The following SFMBT1 variants were observed in gnomAD, a reference collection of about 807,000 sequenced individuals.
SFMBT1 encodes the protein scm-like with four MBT domains protein 1.
SFMBT1 carries 32 observed loss-of-function variants against 108.7 expected under a neutral mutation model. That is an observed-to-expected ratio of 0.29 (90% CI 0.22 to 0.40). The LOEUF (loss-of-function observed/expected upper bound fraction) is 0.40. SFMBT1 is among the 10% of genes least tolerant of loss of function. The pLI, the probability that SFMBT1 is intolerant of heterozygous loss-of-function variation, is 1.00. For synonymous variants in SFMBT1, 348 were observed against 369.5 expected (o/e 0.94, Z 0.67); for missense variants, 816 against 1,059.6 (o/e 0.77, Z 3.19).
In SFMBT1 at chr3:52,912,577, T is replaced by C; in HGVS notation, c.1691A>G (p.Asp564Gly). 6.2e-7 allele frequency: 1 copy of C among 1,613,968 alleles called. No individual in the cohort carries two copies. Reference protein sequence around the residue: ...RVLRELQLDKDSVWHGCGEVL... With the variant: ...RVLRELQLDKGSVWHGCGEVL... ...TTCCCCACATCCGTGCCACACAGAG[T>C]CTTTGTCCAGCTGGAGCTCCCGAAG... The change falls in exon 16 of 21, where the codon GAC becomes GGC. Residue 564 changes from aspartate (D) to glycine (G), a missense_variant. Asp to Gly is a moderately conservative substitution (Grantham distance 94). Around this residue, in one of 5 missense-constraint regions of SFMBT1, gnomAD observed 79 missense variants for 120.8 expected, o/e 0.65. Transcript: ENST00000394752.
intron 1 of SFMBT1, among the ~76,000 whole-genome samples, chr3:53,002,852 T>A (rs1396118898): frequency 6.6e-6 from 1 of 150,470 alleles, no homozygotes; most frequent in African/African-American, 2.4e-5. Context: ...GACTGATAGT[T>A]ACATGAAGAT....
rs563381335 is a variant in SFMBT1 at position 52,968,862 on chromosome 3, T to C, written c.28+239A>G. On this transcript the variant is annotated intron_variant, in intron 2 of 20. Transcript: ENST00000394752. ...CCCACCTCGGCCTCCCAAAGTGTTATGATTACAGGTATGAGCCACCGCGCC... is the reference window on the plus strand; with the variant it reads ...CCCACCTCGGCCTCCCAAAGTGTTACGATTACAGGTATGAGCCACCGCGCC... 6.6e-5 allele frequency among the ~76,000 whole-genome samples: 10 copies of C among 152,260 alleles called. No homozygotes were observed. In the East Asian group the frequency reaches 1.7e-3, roughly 26 times the overall value.
intron 1 of SFMBT1, among the ~76,000 whole-genome samples, chr3:53,005,267 C>G (rs917375863): frequency 6.6e-6 from 1 of 152,290 alleles, no homozygotes; most frequent in South Asian, 2.1e-4. Context: ...ATAGGCTGTA[C>G]GCATGATGGG....
intron 1 of SFMBT1, among the ~76,000 whole-genome samples, chr3:53,006,458 G>A (rs756013349): frequency 3.9e-5 from 6 of 151,978 alleles, no homozygotes; most frequent in Non-Finnish European, 8.8e-5. Flanking sequence ...GTGAAACCCC[G>A]TCTCTACTAA....
intron 1 of SFMBT1, among the ~76,000 whole-genome samples, chr3:52,990,808 C>A (rs1485873712): frequency 6.6e-6 from 1 of 152,058 alleles, no homozygotes; most frequent in Non-Finnish European, 1.5e-5. Context: ...ACGCATAAAA[C>A]AAGGAAATAA....
intron 1 of SFMBT1, among the ~76,000 whole-genome samples, chr3:53,024,717 G>C (rs1016287218): frequency 2.0e-5 from 3 of 152,118 alleles, no homozygotes; most frequent in Admixed American, 1.3e-4. Flanking sequence ...AATATATTTT[G>C]AACTCCCATC....
intron 1 of SFMBT1, among the ~76,000 whole-genome samples, chr3:53,037,596 A>G (rs903270670): frequency 2.0e-5 from 3 of 152,234 alleles, no homozygotes; most frequent in East Asian, 3.8e-4. Context: ...ATAAACACCT[A>G]TAACAACAAT....
intron 1 of SFMBT1, among the ~76,000 whole-genome samples, chr3:52,975,096 T>C (rs975026159): frequency 6.7e-6 from 1 of 150,372 alleles, no homozygotes; most frequent in Non-Finnish European, 1.5e-5. Flanking sequence ...CTGGTACTAA[T>C]AAATTTATAA....
chr3:53,029,334 G>A (rs1288977880), intron 1 of SFMBT1, among the ~76,000 whole-genome samples: 4 of 152,050 alleles, frequency 2.6e-5, no homozygotes, highest in Non-Finnish European at 4.4e-5. Flanking sequence ...TTCTCTGAGG[G>A]GTATTCTGAA....
At chr3:53,016,536 C>T (rs1575440795) in intron 1 of SFMBT1, among the ~76,000 whole-genome samples, 2 of 152,154 alleles carry the variant, frequency 1.3e-5, no homozygotes. Flanking sequence ...GACATATCCC[C>T]GTGTTTTAAT....
intron 8 of SFMBT1, among the ~76,000 whole-genome samples, chr3:52,930,108 C>G (rs1702810473): frequency 6.6e-6 from 1 of 152,226 alleles, no homozygotes; most frequent in South Asian, 2.1e-4. Flanking sequence ...AGTCCAGTGC[C>G]CAGGCCCAAG....
In SFMBT1 at chr3:52,978,498, C is replaced by T. The variant is rs192323105; in HGVS notation, c.-130-9240G>A. 4.6e-5 allele frequency among the ~76,000 whole-genome samples: 7 copies of T among 152,152 alleles called. No homozygotes were observed. The East Asian group carries it at 7.7e-4, about 17-fold the overall frequency. ...CCCTACTCCTCTGGGGGTAACAAAA[C>T]GTAAAGGCAATGTTGGTGGGAATGT... On this transcript the variant is annotated intron_variant, in intron 1 of 20. Coordinates refer to ENST00000394752, the MANE Select transcript of SFMBT1 (RefSeq NM_016329.4).
chr3:52,914,210 G>A (rs1402728042), intron 14 of SFMBT1, among the ~76,000 whole-genome samples: 1 of 152,060 alleles, frequency 6.6e-6, no homozygotes, highest in Non-Finnish European at 1.5e-5. Flanking sequence ...CTATTTGTCT[G>A]TATCAATACT....
intron 1 of SFMBT1, among the ~76,000 whole-genome samples, chr3:53,040,985 T>TTTTTTTTTTTTTA (rs1700030187): frequency 8.4e-6 from 1 of 118,782 alleles, no homozygotes; most frequent in Non-Finnish European, 1.8e-5. Flanking sequence ...TTTTTTTTTT[T>TTTTTTTTTTTTTA]TTTTTTTTTT....
rs185931706 is a variant in SFMBT1, at chr3:53,014,654, C to A, written c.-131+31162G>T. Among the ~76,000 whole-genome samples, 1,873 of 152,210 alleles carry A rather than the reference C, an allele frequency of 0.012. 129 individuals are homozygous for A. The South Asian group carries it at 0.18, about 15-fold the overall frequency. ...CATCTAGTCTACCTTATAAACTGTA[C>A]AACTATTTTTACAATATTCTTTATT... is the stretch of plus-strand genomic sequence containing the variant. On this transcript the variant is annotated intron_variant, in intron 1 of 20. Coordinates refer to ENST00000394752, the MANE Select transcript of SFMBT1 (RefSeq NM_016329.4).
At chr3:52,983,737 G>C (rs2106882715) in intron 1 of SFMBT1, among the ~76,000 whole-genome samples, 1 of 152,314 alleles carries the variant, frequency 6.6e-6, no homozygotes, top group South Asian at 2.1e-4. Context: ...GCGTATTTGA[G>C]GCCACAGTGG....
Position 53,045,801 on chromosome 3 carries a change from G to A in SFMBT1, c.-131+15C>T, listed in dbSNP as rs1360642106. Reference sequence around the variant, plus strand: ...GCCGCGCGGGAAGGCCCAGCCGGTGGCCCCGCTTTTTTACCTGCCCGGAGT... The same window carrying A: ...GCCGCGCGGGAAGGCCCAGCCGGTGACCCCGCTTTTTTACCTGCCCGGAGT... On this transcript the variant is annotated intron_variant, in intron 1 of 20. Coordinates refer to ENST00000394752, the MANE Select transcript of SFMBT1 (RefSeq NM_016329.4). 1 of 150,394 alleles carries A rather than the reference G, an allele frequency of 6.6e-6. No homozygotes were observed. Among genetic ancestry groups the A allele is most frequent in the African/African-American group, 2.4e-5 (1 of 40,992 alleles). The allele number at this position is 150,394 out of a possible 1,614,324, so 9.3% of individuals were successfully genotyped here. A position where few individuals can be genotyped will look rare whatever the true frequency, so the allele number is the denominator to read the frequency against.
chr3:52,981,927 C>A (rs1471897717), intron 1 of SFMBT1, among the ~76,000 whole-genome samples: 3 of 152,074 alleles, frequency 2.0e-5, no homozygotes. Flanking sequence ...ACAAAAAGAA[C>A]CCTTTTTCTG....
intron 1 of SFMBT1, among the ~76,000 whole-genome samples, chr3:53,015,345 G>C (rs1178522724): frequency 6.6e-6 from 1 of 151,994 alleles, no homozygotes; most frequent in Non-Finnish European, 1.5e-5. Context: ...AGGTAAAATG[G>C]TATAGGCAAT....
Sources: allele counts gnomAD v4.1 joint callset (sites outside exome capture counted in the v4.1 genomes callset), GRCh38; gene constraint gnomAD v4.1.1; regional missense constraint gnomAD v4.1.1; transcripts MANE v1.5; gene names NCBI Gene and HGNC (gene_info 2026-07-23, HGNC 2026-07-21).